Variants in HAPLN4 observed in about 807,000 individuals in gnomAD.
HAPLN4 encodes brain link protein 2.
A neutral mutation model predicts 28.0 loss-of-function variants in HAPLN4; 19 were observed. The ratio of observed to expected loss-of-function variants is 0.68; its 90% CI spans 0.47 to 1.00. The LOEUF (loss-of-function observed/expected upper bound fraction) is 1.00. Among genes scored for constraint, HAPLN4 ranks in the 50% least tolerant of loss-of-function variants. The pLI is 0.00. For missense variants in HAPLN4, 587 were observed against 602.6 expected (o/e 0.97, Z 0.27); for synonymous variants, 274 against 273.0 (o/e 1.00, Z -0.03).
rs2060988672 is a variant in HAPLN4, at chr19:19,262,794, C to G, written c.-62G>C. ...ACCCGGACTGCGCTCCCCGCACACC[C>G]GGTTAAGACTGGGCAGGTCCCTGCA... On this transcript the variant is annotated 5_prime_UTR_variant, in exon 1 of 5. Transcript: ENST00000291481. 7.6e-6 allele frequency: 12 copies of G among 1,580,840 alleles called. No homozygotes were observed. The highest frequency in any genetic ancestry group is 1.4e-5 in the African/African-American group (1 of 73,826).
rs2060962278 is a variant in HAPLN4 at position 19,255,305 on chromosome 19, G to A, written c.*2512C>T. ...CACACCTGTAACCCCAACACTTTGG[G>A]AGGCCGAGGTGGGTAGATCACCTGA... On this transcript the variant is annotated 3_prime_UTR_variant, in exon 5 of 5. Transcript: ENST00000291481. 6.6e-6 allele frequency: 1 copy of A among 152,228 alleles called. No homozygotes were observed. Among genetic ancestry groups the A allele is most frequent in the Non-Finnish European group, 1.5e-5 (1 of 68,096 alleles). The allele number at this position is 152,228 out of a possible 1,614,324, so 9.4% of individuals were successfully genotyped here. A position where few individuals can be genotyped will look rare whatever the true frequency, so the allele number is the denominator to read the frequency against.
In HAPLN4 at chr19:19,261,176, C is replaced by T. The variant is rs2060982109; in HGVS notation, c.122-1G>A. 1 of 1,591,166 alleles carries T rather than the reference C, an allele frequency of 6.3e-7. No individual in the cohort carries two copies. The stretch of plus-strand genomic sequence containing the variant: ...ACCACTACCGAGCCCGACTCACCCT[C>T]TGAGGACAACCAAGCAGGGTTCAGA... On this transcript the variant is annotated splice_acceptor_variant, in intron 2 of 4. Coordinates refer to ENST00000291481, the MANE Select transcript of HAPLN4 (RefSeq NM_023002.3). LOFTEE classifies it high-confidence loss of function.
chr19:19,257,800 G>A lies in HAPLN4; in HGVS notation c.*17C>T. On this transcript the variant is annotated 3_prime_UTR_variant, in exon 5 of 5. Transcript: ENST00000291481. ...AGACCAGTGGTCAAGCGCCCTGGCT[G>A]TCCGCCTACTCCCAGCCTAGACGTG... The A allele has an allele frequency of 7.2e-7, 1 of 1,392,734 alleles. No individual in the cohort carries two copies. Among genetic ancestry groups the A allele is most frequent in the Non-Finnish European group, 9.3e-7 (1 of 1,080,988 alleles). The allele number at this position is 1,392,734 out of a possible 1,614,324, so 86.3% of individuals were successfully genotyped here. A position where few individuals can be genotyped will look rare whatever the true frequency, so the allele number is the denominator to read the frequency against.
Position 19,258,280 on chromosome 19 carries a change from G to A in HAPLN4, c.818-72C>T. ...CCCTGCTTCGGTGGGATTCAGGACT[G>A]CCCCCCGCATGCAGCCTAGGACTCT... On this transcript the variant is annotated intron_variant, in intron 4 of 4. Transcript: ENST00000291481. The surrounding 1 kb of genome is among the most constrained non-coding windows in gnomAD (Gnocchi z 6.2). 2 of 1,377,856 alleles carry A rather than the reference G, an allele frequency of 1.5e-6. No individual in the cohort carries two copies. Among genetic ancestry groups the A allele is most frequent in the Non-Finnish European group, 9.6e-7 (1 of 1,041,494 alleles). The allele number at this position is 1,377,856 out of a possible 1,614,324, so 85.4% of individuals were successfully genotyped here.
Position 19,258,229 on chromosome 19 carries a change from G to A in HAPLN4, c.818-21C>T, listed in dbSNP as rs767110024. On this transcript the variant is annotated intron_variant, in intron 4 of 4. Transcript: ENST00000291481. The surrounding 1 kb of genome is among the most constrained non-coding windows in gnomAD (Gnocchi z 6.2). ...GCGCCCTGCGGGGGTGAGGTGGGGG[G>A]TGGGTTATTAGTGCGGCTCCTGGGA... The A allele has an allele frequency of 1.1e-5, 16 of 1,466,204 alleles. No homozygotes were observed. Among genetic ancestry groups the A allele is most frequent in the East Asian group, 2.5e-5 (1 of 39,910 alleles). 90.8% of individuals were successfully genotyped at this position (1,466,204 alleles called of 1,614,324 possible).
In HAPLN4 at chr19:19,257,986, C is replaced by A. The variant is rs746009261; in HGVS notation, c.1040G>T (p.Arg347Leu). The A allele has an allele frequency of 1.9e-5, 29 of 1,517,052 alleles. No homozygotes were observed. Among genetic ancestry groups the A allele is most frequent in the Non-Finnish European group, 2.5e-5 (29 of 1,139,960 alleles). The allele number at this position is 1,517,052 out of a possible 1,614,324, so 94.0% of individuals were successfully genotyped here. A position where few individuals can be genotyped will look rare whatever the true frequency, so the allele number is the denominator to read the frequency against. ...ARCGGRRPGVRSLGFPDATRR... is the reference protein window; with the variant it reads ...ARCGGRRPGVLSLGFPDATRR... ...GGTGGCGTCCGGGAAGCCGAGGCTG[C>A]GCACACCAGGCCTGCGGCCTCCGCA... Residue 347 changes from arginine (R) to leucine (L), a missense_variant, in exon 5 of 5, where the codon CGC (arginine) becomes CTC (leucine). By Grantham distance (102) the Arg-to-Leu change is moderately radical. Transcript: ENST00000291481.
intron 1 of HAPLN4, 80 bp downstream of exon 1, chr19:19,262,650 T>C: frequency 1.3e-6 from 2 of 1,485,292 alleles, no homozygotes. Context: ...CAGAGGGATA[T>C]AGATTCAGAG....
rs1029853796 is a variant in HAPLN4, at chr19:19,257,415, G to A, written c.*402C>T. 4 of 178,324 alleles carry A rather than the reference G, an allele frequency of 2.2e-5. No homozygotes were observed. Among genetic ancestry groups the A allele is most frequent in the Non-Finnish European group, 4.6e-5 (4 of 86,134 alleles). The allele number at this position is 178,324 out of a possible 1,614,324, so 11.0% of individuals were successfully genotyped here. ...CTCCAGTGAGATGCAGAAGGTGTAC[G>A]GCCGGTCTCTAGTCAATCCCGGGGG... On this transcript the variant is annotated 3_prime_UTR_variant, in exon 5 of 5. Coordinates refer to ENST00000291481, the MANE Select transcript of HAPLN4 (RefSeq NM_023002.3).
At chr19:19,260,741 T>C (rs1283471447) in intron 3 of HAPLN4, 72 bp downstream of exon 3, 2 of 1,543,330 alleles carry the variant, frequency 1.3e-6, no homozygotes, top group East Asian at 2.3e-5. Context: ...CTTGATTTGG[T>C]TTATGTCCCT....
At position 19,257,725 on chromosome 19, in the gene HAPLN4, T is replaced by TTG. The variant is rs1370367899; in HGVS notation, c.*91_*92insCA. The TTG allele has an allele frequency of 7.6e-7, 1 of 1,323,740 alleles. No individual in the cohort carries two copies. The highest frequency in any genetic ancestry group is 2.9e-5 in the East Asian group (1 of 34,828). The allele number at this position is 1,323,740 out of a possible 1,614,324, so 82.0% of individuals were successfully genotyped here. A position where few individuals can be genotyped will look rare whatever the true frequency, so the allele number is the denominator to read the frequency against. On this transcript the variant is annotated 3_prime_UTR_variant, in exon 5 of 5. Coordinates refer to ENST00000291481, the MANE Select transcript of HAPLN4 (RefSeq NM_023002.3). ...AAGGGACCACAGGGAATGTGGCCAG[T>TTG]GTCCAGGGCTTCAAGGGCGTGGCCA...
chr19:19,258,480 T>G lies in HAPLN4; in HGVS notation c.817+43A>C. 1 of 1,576,760 alleles carries G rather than the reference T, an allele frequency of 6.3e-7. No homozygotes were observed. Among genetic ancestry groups the G allele is most frequent in the Non-Finnish European group, 8.7e-7 (1 of 1,152,296 alleles). On this transcript the variant is annotated intron_variant, in intron 4 of 4. Coordinates refer to ENST00000291481, the MANE Select transcript of HAPLN4 (RefSeq NM_023002.3). The surrounding 1 kb of genome is among the most constrained non-coding windows in gnomAD (Gnocchi z 6.2). The stretch of plus-strand genomic sequence containing the variant: ...GGGGAAGAAGGCCCCGGGGTTGGGG[T>G]AGTGTTGCAGCAGAGGCCAGTCTTG...
In HAPLN4 at chr19:19,261,259, G is replaced by A. The variant is rs2060982402; in HGVS notation, c.122-84C>T. ...GGAAGGTGTCTCTGGGGAGGGGAAC[G>A]TGGGAAGACTCGGGTGGGGGTCGGG... On this transcript the variant is annotated intron_variant, in intron 2 of 4. Transcript: ENST00000291481. 7 of 1,435,084 alleles carry A rather than the reference G, an allele frequency of 4.9e-6. No homozygotes were observed. In the East Asian group the frequency reaches 1.2e-4, roughly 24 times the overall value. The allele number at this position is 1,435,084 out of a possible 1,614,324, so 88.9% of individuals were successfully genotyped here.
At chr19:19,261,756 C>T (rs1420428189) in intron 1 of HAPLN4, 193 bp from the exon 2 acceptor site, 1 of 518,744 alleles carries the variant, frequency 1.9e-6, no homozygotes, top group Non-Finnish European at 3.4e-6. Flanking sequence ...AGAACCCACG[C>T]CCCTAGACTC....
chr19:19,258,366 CCCAACCAGCGTTGGTA>C lies in HAPLN4; in HGVS notation c.817+141_817+156del, dbSNP rs1362784091. On this transcript the variant is annotated intron_variant, in intron 4 of 4. Coordinates refer to ENST00000291481, the MANE Select transcript of HAPLN4 (RefSeq NM_023002.3). The surrounding 1 kb of genome is among the most constrained non-coding windows in gnomAD (Gnocchi z 6.2). ...TTGCAGCCTGGGACCCCAGCCTAGG[CCCAACCAGCGTTGGTA>C]CCAGGCGGTGTGTGCTGCGCCTAGG... Among the ~76,000 whole-genome samples the C allele has an allele frequency of 7.2e-5, 11 of 152,128 alleles. No homozygotes were observed. The highest frequency in any genetic ancestry group is 7.2e-4 in the Admixed American group (11 of 15,278).
Position 19,256,672 on chromosome 19 carries a change from G to A in HAPLN4, c.*1145C>T, listed in dbSNP as rs2060966631. 1 of 152,750 alleles carries A rather than the reference G, an allele frequency of 6.5e-6. No homozygotes were observed. Among genetic ancestry groups the A allele is most frequent in the African/African-American group, 2.4e-5 (1 of 41,426 alleles). 9.5% of individuals were successfully genotyped at this position (152,750 alleles called of 1,614,324 possible). The stretch of plus-strand genomic sequence containing the variant: ...GACAGGGACAGTTTGTTTCCATGGT[G>A]AGAGCCGGAGAACTGGATGTTGGGT... On this transcript the variant is annotated 3_prime_UTR_variant, in exon 5 of 5. Coordinates refer to ENST00000291481, the MANE Select transcript of HAPLN4 (RefSeq NM_023002.3).
chr19:19,257,853 C>T lies in HAPLN4; in HGVS notation c.1173G>A (p.Ala391=), dbSNP rs768650145. 1.4e-5 allele frequency: 20 copies of T among 1,421,958 alleles called. No homozygotes were observed. The highest frequency in any genetic ancestry group is 1.8e-5 in the Non-Finnish European group (20 of 1,100,338). 88.1% of individuals were successfully genotyped at this position (1,421,958 alleles called of 1,614,324 possible). ...WAGGGGWAGG[A]RDPAAWTPLH... ...GAGGGGTCCAGGCAGCAGGATCGCG[C>T]GCGCCCCCTGCCCAGCCGCCGCCGC... is the stretch of plus-strand genomic sequence containing the variant. The change falls in exon 5 of 5, where the codon GCG becomes GCA. Residue 391 remains alanine (A), a synonymous_variant. Transcript: ENST00000291481.
chr19:19,257,641 A>T lies in HAPLN4; in HGVS notation c.*176T>A. ...CTGGCCAGGCTCCAGGGAACTCCAA[A>T]GTACTGTTCTGCCAGGACTAGCCAG... On this transcript the variant is annotated 3_prime_UTR_variant, in exon 5 of 5. Transcript: ENST00000291481. 3.0e-6 allele frequency: 2 copies of T among 676,798 alleles called. No homozygotes were observed. Among genetic ancestry groups the T allele is most frequent in the Non-Finnish European group, 2.1e-6 (1 of 474,196 alleles). The allele number at this position is 676,798 out of a possible 1,614,324, so 41.9% of individuals were successfully genotyped here.
chr19:19,258,831 C>A lies in HAPLN4; in HGVS notation c.509G>T (p.Arg170Leu). The A allele has an allele frequency of 6.4e-7, 1 of 1,572,566 alleles. No homozygotes were observed. The highest frequency in any genetic ancestry group is 8.6e-7 in the Non-Finnish European group (1 of 1,158,242). The change falls in exon 4 of 5, where the codon CGT (arginine) becomes CTT (leucine). Residue 170 changes from arginine to leucine, a missense_variant. Transcript: ENST00000291481. The surrounding 1 kb of genome is among the most constrained non-coding windows in gnomAD (Gnocchi z 6.2). Reference protein sequence around the residue: ...LEGVVFPYHPRGGRYKLTFAE... With the variant: ...LEGVVFPYHPLGGRYKLTFAE... Reference sequence around the variant, plus strand: ...GAAGGTCAGCTTGTATCGGCCTCCACGGGGGTGGTAGGGAAAGACCACGCC... The same window carrying A: ...GAAGGTCAGCTTGTATCGGCCTCCAAGGGGGTGGTAGGGAAAGACCACGCC...
In HAPLN4 at chr19:19,258,871, C is replaced by A. The variant is rs928666420; in HGVS notation, c.485-16G>T. Reference sequence around the variant, plus strand: ...AAGACCACGCCTGGCGGGGGGCGCACGGGATCAGCAGGTACACCCCAGCCC... The same window carrying A: ...AAGACCACGCCTGGCGGGGGGCGCAAGGGATCAGCAGGTACACCCCAGCCC... On this transcript the variant is annotated splice_polypyrimidine_tract_variant and intron_variant, in intron 3 of 4. Coordinates refer to ENST00000291481, the MANE Select transcript of HAPLN4 (RefSeq NM_023002.3). This position sits in a 1 kb window ranked among gnomAD's most constrained non-coding sequence, Gnocchi z 6.2. The A allele has an allele frequency of 6.6e-7, 1 of 1,518,242 alleles. No individual in the cohort carries two copies. Among genetic ancestry groups the A allele is most frequent in the Non-Finnish European group, 8.8e-7 (1 of 1,131,906 alleles). The allele number at this position is 1,518,242 out of a possible 1,614,324, so 94.0% of individuals were successfully genotyped here.
Sources: allele counts gnomAD v4.1 joint callset (sites outside exome capture counted in the v4.1 genomes callset), GRCh38; gene constraint gnomAD v4.1.1; non-coding constraint Gnocchi (gnomAD v3.1); transcripts MANE v1.5; gene names NCBI Gene and HGNC (gene_info 2026-07-23, HGNC 2026-07-21).